Variants in MAP3K20 observed in about 807,000 individuals in gnomAD.
MAP3K20 encodes mitogen-activated protein kinase kinase kinase 20.
In MAP3K20, 40 loss-of-function variants were observed where a neutral mutation model predicts 85.7. The ratio of observed to expected loss-of-function variants is 0.47; its 90% CI spans 0.36 to 0.61. MAP3K20 has a LOEUF of 0.61. MAP3K20 is among the 20% of genes least tolerant of loss of function. The pLI, the probability that MAP3K20 is intolerant of heterozygous loss-of-function variation, is 0.00. For synonymous variants in MAP3K20, 325 were observed against 327.7 expected, an observed-to-expected ratio of 0.99 and a Z score of 0.09; for missense variants, 817 against 961.7, an observed-to-expected ratio of 0.85 and a Z score of 1.99.
intron 16 of MAP3K20, among the ~76,000 whole-genome samples, chr2:173,256,139 C>T (rs972189168): frequency 2.0e-5 from 3 of 152,324 alleles, no homozygotes; most frequent in Non-Finnish European, 4.4e-5. Flanking sequence ...AGAGGCTTTC[C>T]GAAAACATCA....
chr2:173,229,401 G>C (rs10169914), intron 11 of MAP3K20, among the ~76,000 whole-genome samples: 135,057 of 152,224 alleles, frequency 0.89, 60,712 homozygotes, highest in Middle Eastern at 0.97. Flanking sequence ...GTCAGAAATT[G>C]CTTGACTGCT....
intron 11 of MAP3K20, chr2:173,223,965 TAGTC>T (rs778775783): frequency 2.8e-5 from 28 of 985,426 alleles, no homozygotes; most frequent in South Asian, 1.9e-4. Flanking sequence ...AAGGCAAAGA[TAGTC>T]ATTCATTCAA....
chr2:173,221,003 AAATT>A (rs1429483090), intron 11 of MAP3K20: 6 of 615,182 alleles, frequency 9.8e-6, no homozygotes, highest in Non-Finnish European at 1.4e-5. Context: ...GCCATTAAAT[AAATT>A]CTCACATAAT....
chr2:173,194,765 G>T lies in MAP3K20; in HGVS notation c.583-3261G>T, dbSNP rs562773834. Among the ~76,000 whole-genome samples the T allele has an allele frequency of 3.0e-4, 45 of 149,058 alleles. No individual in the cohort carries two copies. In the East Asian group the frequency reaches 4.0e-3, roughly 13 times the overall value. ...GATGAATAAGACCATTAAAAAAAAG[G>T]TTTTTTTTTTAAAATCCACCCAAAA... On this transcript the variant is annotated intron_variant, in intron 7 of 19. Transcript: ENST00000375213.
intron 16 of MAP3K20, among the ~76,000 whole-genome samples, chr2:173,246,355 A>G (rs1194914044): frequency 4.6e-5 from 7 of 152,218 alleles, no homozygotes; most frequent in African/African-American, 1.7e-4. Context: ...TTTTGCAATC[A>G]AAGTGCCCTG....
chr2:173,219,056 T>C (rs1315943327), intron 11 of MAP3K20, among the ~76,000 whole-genome samples: 1 of 152,218 alleles, frequency 6.6e-6, no homozygotes, highest in Non-Finnish European at 1.5e-5. Flanking sequence ...TTAATGTGTC[T>C]TCTGCTTAGA....
intron 9 of MAP3K20, among the ~76,000 whole-genome samples, chr2:173,208,478 G>A (rs1428892604): frequency 6.6e-6 from 1 of 151,804 alleles, no homozygotes; most frequent in South Asian, 2.1e-4. Flanking sequence ...AAGATAAATA[G>A]AACATTTTTC....
rs1491287766 is a variant in MAP3K20, at chr2:173,258,575, GGA to G, written c.1360-123_1360-122del. On this transcript the variant is annotated intron_variant, in intron 16 of 19. Coordinates refer to ENST00000375213, the MANE Select transcript of MAP3K20 (RefSeq NM_016653.3). ...AATTTCATGTCCTTTTATTGAAAAA[GGA>G]AAAAAAAAAAAGCCACTCCAATAAT... The G allele has an allele frequency of 2.0e-4, 113 of 555,108 alleles. No individual in the cohort carries two copies. In the South Asian group the frequency reaches 2.7e-3, roughly 13 times the overall value. 34.4% of individuals were successfully genotyped at this position (555,108 alleles called of 1,614,324 possible).
chr2:173,220,369 T>C (rs551906741), intron 11 of MAP3K20, among the ~76,000 whole-genome samples: 4 of 152,314 alleles, frequency 2.6e-5, no homozygotes, highest in African/African-American at 9.6e-5. Context: ...AGAAAAAAGT[T>C]CGGTTGAAAG....
At chr2:173,127,159 T>A (rs1688468543) in intron 2 of MAP3K20, among the ~76,000 whole-genome samples, 1 of 152,240 alleles carries the variant, frequency 6.6e-6, no homozygotes. Flanking sequence ...CCATTTCTAA[T>A]TACAGTGAAT....
intron 11 of MAP3K20, chr2:173,223,721 C>T: frequency 1.0e-6 from 1 of 985,368 alleles, no homozygotes; most frequent in Non-Finnish European, 1.2e-6. Flanking sequence ...AGATGGATTC[C>T]CCCACATACC....
Position 173,170,635 on chromosome 2 carries a change from G to T in MAP3K20, c.247+743G>T, listed in dbSNP as rs73023639. 7.6e-3 allele frequency among the ~76,000 whole-genome samples: 1,160 copies of T among 151,868 alleles called. 6 individuals are homozygous for T. Among genetic ancestry groups the T allele is most frequent in the African/African-American group, 0.012 (482 of 41,418 alleles). The stretch of plus-strand genomic sequence containing the variant: ...CTTTAAGTATTAGCCACATGTTCTC[G>T]GTAGAGGTGAGAACCTGGATTGTCT... On this transcript the variant is annotated intron_variant, in intron 3 of 19. Coordinates refer to ENST00000375213, the MANE Select transcript of MAP3K20 (RefSeq NM_016653.3).
chr2:173,079,150 A>G (rs939866030), intron 1 of MAP3K20, among the ~76,000 whole-genome samples: 3 of 152,248 alleles, frequency 2.0e-5, no homozygotes, highest in Non-Finnish European at 4.4e-5. Flanking sequence ...TGTGTGAGAT[A>G]GTCCGTTGCT....
chr2:173,105,788 A>G (rs904806121), intron 2 of MAP3K20, among the ~76,000 whole-genome samples: 5 of 152,308 alleles, frequency 3.3e-5, no homozygotes, highest in Non-Finnish European at 5.9e-5. Flanking sequence ...TTTGATAGGT[A>G]TAGAATTTTT....
At chr2:173,163,110 C>T (rs1004105808) in intron 2 of MAP3K20, among the ~76,000 whole-genome samples, 2 of 152,158 alleles carry the variant, frequency 1.3e-5, no homozygotes, top group Non-Finnish European at 2.9e-5. Context: ...AAATGGAATA[C>T]AAAAGGTGTA....
chr2:173,218,939 T>C (rs79338045), intron 11 of MAP3K20, among the ~76,000 whole-genome samples: 1 of 152,310 alleles, frequency 6.6e-6, no homozygotes, highest in African/African-American at 2.4e-5. Context: ...AAGGAACTGC[T>C]CTGAGGGCTA....
At chr2:173,229,377 G>A (rs993636976) in intron 11 of MAP3K20, among the ~76,000 whole-genome samples, 5 of 152,280 alleles carry the variant, frequency 3.3e-5, no homozygotes, top group Admixed American at 6.5e-5. Flanking sequence ...AAGACTCTAG[G>A]TCTCTGAGAA....
chr2:173,087,570 T>C (rs1393641628), intron 1 of MAP3K20, among the ~76,000 whole-genome samples: 1 of 152,144 alleles, frequency 6.6e-6, no homozygotes, highest in Non-Finnish European at 1.5e-5. Flanking sequence ...CCTAAACATA[T>C]CCTATTAAAA....
chr2:173,102,975 C>T (rs1687676640), intron 2 of MAP3K20, among the ~76,000 whole-genome samples: 1 of 151,956 alleles, frequency 6.6e-6, no homozygotes, highest in Non-Finnish European at 1.5e-5. Flanking sequence ...ATCGCTTGAA[C>T]CCAGGAATTA....
Sources: gnomAD v4.1 joint callset for allele counts (sites outside exome capture counted in the v4.1 genomes callset) on GRCh38, gnomAD v4.1.1 for gene constraint, MANE v1.5 for transcripts, NCBI Gene and HGNC (gene_info 2026-07-23, HGNC 2026-07-21) for gene names.